SLC39A10: variants seen among roughly 807,000 people sequenced by gnomAD.
SLC39A10 encodes solute carrier family 39 member 10.
In SLC39A10, 13 loss-of-function variants were observed where a neutral mutation model predicts 65.1. The ratio of observed to expected loss-of-function variants is 0.20; its 90% confidence interval spans 0.13 to 0.32. The LOEUF is 0.32. Among genes scored for constraint, SLC39A10 ranks in the 10% least tolerant of loss-of-function variants. The pLI is 1.00. For missense variants in SLC39A10, 831 were observed against 1,018.4 expected, an observed-to-expected ratio of 0.82 and a Z score of 2.50; for synonymous variants, 321 against 342.2, an observed-to-expected ratio of 0.94 and a Z score of 0.68.
intron 1 of SLC39A10, among the ~76,000 whole-genome samples, chr2:195,663,916 G>A (rs1387158755): frequency 6.6e-6 from 1 of 150,936 alleles, no homozygotes; most frequent in Non-Finnish European, 1.5e-5. Context: ...TACTGAGCAT[G>A]GTGCCCAACA....
intron 2 of SLC39A10, among the ~76,000 whole-genome samples, chr2:195,648,345 A>G (rs1328665926): frequency 6.6e-6 from 1 of 152,148 alleles, no homozygotes; most frequent in East Asian, 1.9e-4. Context: ...TATTTTTGCA[A>G]GAATTTCTAT....
chr2:195,665,955 A>G (rs1442569249), intron 1 of SLC39A10, among the ~76,000 whole-genome samples: 3 of 152,166 alleles, frequency 2.0e-5, no homozygotes, highest in African/African-American at 2.4e-5. Flanking sequence ...TTTTTATGCT[A>G]TAAATATTAT....
At chr2:195,691,207 A>G (rs965543483) in intron 3 of SLC39A10, among the ~76,000 whole-genome samples, 3 of 152,090 alleles carry the variant, frequency 2.0e-5, no homozygotes, top group Non-Finnish European at 4.4e-5. Flanking sequence ...GCTGAGTAGT[A>G]TTCCATGGTA....
intron 9 of SLC39A10, among the ~76,000 whole-genome samples, chr2:195,731,967 T>C (rs1478003383): frequency 6.6e-6 from 1 of 152,208 alleles, no homozygotes; most frequent in Admixed American, 6.5e-5. Flanking sequence ...GTAGTATTTA[T>C]AATGTCACAA....
At chr2:195,729,093 C>T (rs1692342971) in intron 9 of SLC39A10, among the ~76,000 whole-genome samples, 1 of 151,834 alleles carries the variant, frequency 6.6e-6, no homozygotes, top group Non-Finnish European at 1.5e-5. Flanking sequence ...CTGCCTCAGC[C>T]CCTGAGTAGC....
At chr2:195,679,215 T>A (rs1006129980) in intron 1 of SLC39A10, among the ~76,000 whole-genome samples, 3 of 151,838 alleles carry the variant, frequency 2.0e-5, no homozygotes, top group Admixed American at 2.0e-4. Flanking sequence ...CAGATTTATG[T>A]TCAGGAGCTA....
At chr2:195,702,584 A>G (rs905003236) in intron 3 of SLC39A10, among the ~76,000 whole-genome samples, 2 of 152,194 alleles carry the variant, frequency 1.3e-5, no homozygotes, top group African/African-American at 4.8e-5. Context: ...TCTTTCCAGA[A>G]TCCTCCTCTT....
chr2:195,707,591 CTT>C (rs36110330), intron 4 of SLC39A10, among the ~76,000 whole-genome samples: 91 of 145,086 alleles, frequency 6.3e-4, no homozygotes, highest in Middle Eastern at 3.6e-3. Context: ...TATGGCATTG[CTT>C]TTTTTTTTTT....
chr2:195,683,162 T>G (rs534832880), intron 2 of SLC39A10, among the ~76,000 whole-genome samples: 183 of 151,944 alleles, frequency 1.2e-3, no homozygotes, highest in African/African-American at 3.4e-3. Context: ...TTACTTTTTT[T>G]TTTGTTTGTT....
intron 3 of SLC39A10, among the ~76,000 whole-genome samples, chr2:195,693,898 G>A (rs1488895763): frequency 6.6e-6 from 1 of 152,100 alleles, no homozygotes; most frequent in African/African-American, 2.4e-5. Context: ...ACCTTGGATT[G>A]TCTATTTGTG....
chr2:195,681,162 C>T, intron 2 of SLC39A10, 112 bp downstream of exon 2: 1 of 1,010,086 alleles, frequency 9.9e-7, no homozygotes, highest in East Asian at 2.6e-5. Flanking sequence ...AACTTATTTC[C>T]ATATGTTTAC....
At position 195,663,921 on chromosome 2, in the gene SLC39A10, C is replaced by A. The variant is rs1391196752; in HGVS notation, c.-12+6640C>A. 4.0e-5 allele frequency among the ~76,000 whole-genome samples: 6 copies of A among 150,084 alleles called. 1 individual carries two copies. Among genetic ancestry groups the A allele is most frequent in the African/African-American group, 1.5e-4 (6 of 40,820 alleles). Reference sequence around the variant, plus strand: ...GTCATCCAGGTACTGAGCATGGTGCCCAACAACTAGTTTTTCAGCCCTTTC... The same window carrying A: ...GTCATCCAGGTACTGAGCATGGTGCACAACAACTAGTTTTTCAGCCCTTTC... On this transcript the variant is annotated intron_variant, in intron 1 of 9. Coordinates refer to ENST00000359634, the MANE Select transcript of SLC39A10 (RefSeq NM_020342.3).
intron 1 of SLC39A10, among the ~76,000 whole-genome samples, chr2:195,662,999 A>G (rs1045335186): frequency 5.3e-5 from 8 of 152,112 alleles, no homozygotes; most frequent in Non-Finnish European, 1.0e-4. Context: ...ATTATGCTTT[A>G]TTATGCTTGG....
Position 195,736,020 on chromosome 2 carries a change from A to G in SLC39A10, c.*979A>G, listed in dbSNP as rs1692591484. 6.6e-6 allele frequency: 1 copy of G among 152,478 alleles called. No homozygotes were observed. The allele number at this position is 152,478 out of a possible 1,614,324, so 9.4% of individuals were successfully genotyped here. A position where few individuals can be genotyped will look rare whatever the true frequency, so the allele number is the denominator to read the frequency against. Reference sequence around the variant, plus strand: ...AGTTTGGCACTGGAACCAAGAGCACATGTCGTGGCTGGCTACAAGGTTGTA... The same window carrying G: ...AGTTTGGCACTGGAACCAAGAGCACGTGTCGTGGCTGGCTACAAGGTTGTA... On this transcript the variant is annotated 3_prime_UTR_variant, in exon 10 of 10. Transcript: ENST00000359634.
chr2:195,661,646 C>T (rs374711633), intron 1 of SLC39A10, among the ~76,000 whole-genome samples: 10 of 152,250 alleles, frequency 6.6e-5, no homozygotes, highest in South Asian at 2.1e-4. Flanking sequence ...AATTCTGTGT[C>T]GAATACTGTT....
chr2:195,733,292 A>C (rs1295849752), intron 9 of SLC39A10, among the ~76,000 whole-genome samples: 8 of 152,190 alleles, frequency 5.3e-5, no homozygotes, highest in Non-Finnish European at 7.3e-5. Context: ...AATGACTGCA[A>C]ATTTGAATTA....
At chr2:195,708,082 G>A (rs1691471552) in intron 4 of SLC39A10, among the ~76,000 whole-genome samples, 1 of 152,006 alleles carries the variant, frequency 6.6e-6, no homozygotes, top group East Asian at 1.9e-4. Flanking sequence ...CAGAGATAGC[G>A]ACCTTATTAC....
At chr2:195,726,630 C>A (rs1179090960) in intron 8 of SLC39A10, among the ~76,000 whole-genome samples, 1 of 152,134 alleles carries the variant, frequency 6.6e-6, no homozygotes, top group Non-Finnish European at 1.5e-5. Flanking sequence ...TAGATAATCT[C>A]CTTAGGTACA....
intron 1 of SLC39A10, among the ~76,000 whole-genome samples, chr2:195,668,282 A>T (rs925939780): frequency 6.6e-6 from 1 of 152,254 alleles, no homozygotes; most frequent in Non-Finnish European, 1.5e-5. Context: ...ACTGATTTCA[A>T]CCATTTAAAG....
Sources: gnomAD v4.1 joint callset for allele counts (sites outside exome capture counted in the v4.1 genomes callset) on GRCh38, gnomAD v4.1.1 for gene constraint, MANE v1.5 for transcripts, NCBI Gene and HGNC (gene_info 2026-07-23, HGNC 2026-07-21) for gene names.